The following MADD variants were observed in gnomAD, a reference collection of about 807,000 sequenced individuals.
MADD encodes the protein MAP kinase-activating death domain protein.
A neutral mutation model predicts 176.7 loss-of-function variants in MADD; 109 were observed. The ratio of observed to expected loss-of-function variants is 0.62; its 90% CI spans 0.53 to 0.72. The LOEUF (loss-of-function observed/expected upper bound fraction) is 0.72, where lower values mean the gene tolerates loss of function less well. Among genes scored for constraint, MADD ranks in the 30% least tolerant of loss-of-function variants. The probability of loss-of-function intolerance (pLI) is 0.00; values close to 1 mark genes in which losing one functional copy is unlikely to be tolerated. For missense variants in MADD, 1,914 were observed against 2,045.5 expected (o/e 0.94, Z 1.24); for synonymous variants, 771 against 771.3 (o/e 1.00, Z 0.01).
chr11:47,328,946 A>T, intron 32 of MADD, 100 bp from the exon 37 acceptor site: 1 of 1,093,302 alleles, frequency 9.1e-7, no homozygotes, highest in South Asian at 1.3e-5. Context: ...CCAGAGGCCC[A>T]TGCCCAGTGT....
chr11:47,279,316 T>C (rs2053852020), intron 7 of MADD, among the ~76,000 whole-genome samples: 1 of 152,070 alleles, frequency 6.6e-6, no homozygotes, highest in South Asian at 2.1e-4. Flanking sequence ...CTGTATAAAA[T>C]AGCCCTTCAC....
chr11:47,301,177 A>G (rs11530167), intron 22 of MADD, among the ~76,000 whole-genome samples: 5,103 of 151,802 alleles, frequency 0.034, 119 homozygotes, highest in South Asian at 0.12. Context: ...CAGTGGTGCA[A>G]TCTTGGCTCA....
chr11:47,295,091 G>A (rs1045085757), intron 20 of MADD, among the ~76,000 whole-genome samples: 1 of 151,608 alleles, frequency 6.6e-6, no homozygotes, highest in East Asian at 1.9e-4. Context: ...GCTCACTGCA[G>A]CCTCAAACTC....
exon 13 of MADD, chr11:47,285,000 C>G: frequency 1.2e-6 from 2 of 1,614,110 alleles, no homozygotes; most frequent in Non-Finnish European, 1.7e-6. Context: ...CCAAGCCCCT[C>G]CCTTCCGTGC....
chr11:47,325,002 T>TGTGC lies in MADD; in HGVS notation c.4542+438_4542+441dup, dbSNP rs371860501. On this transcript the variant is annotated intron_variant, in intron 30 of 32. Coordinates refer to ENST00000402192, the Ensembl canonical transcript of MADD. The surrounding 1 kb of genome is among the most constrained non-coding windows in gnomAD (Gnocchi z 4.5). ...CTTTCTGGTGTGCGTGCAGCTTGCG[T>TGTGC]GTGCGTGCGTGCGTGCCTGCGTGCT... The TGTGC allele has an allele frequency of 1.2e-3, 645 of 548,328 alleles. 8 individuals are homozygous for TGTGC. Among genetic ancestry groups the TGTGC allele is most frequent in the African/African-American group, 0.011 (574 of 52,810 alleles). 34.0% of individuals were successfully genotyped at this position (548,328 alleles called of 1,614,324 possible). A position where few individuals can be genotyped will look rare whatever the true frequency, so the allele number is the denominator to read the frequency against.
chr11:47,285,036 G>T (rs375875325), exon 13 of MADD: 23 of 1,614,136 alleles, frequency 1.4e-5, no homozygotes, highest in Middle Eastern at 3.3e-4. Context: ...AATCGAACGT[G>T]GACAGACGTC....
chr11:47,324,840 T>C (rs1016218845), intron 30 of MADD: 14 of 643,536 alleles, frequency 2.2e-5, no homozygotes, highest in Middle Eastern at 6.7e-4. Context: ...GCCCCATCCG[T>C]TGGACTCCAC....
intron 27 of MADD, among the ~76,000 whole-genome samples, chr11:47,322,653 C>T (rs1224805192): frequency 6.6e-6 from 1 of 152,140 alleles, no homozygotes; most frequent in East Asian, 1.9e-4. Context: ...GAATGTTGAA[C>T]AAGAAGGTGT....
chr11:47,290,027 G>A (rs1275774851), exon 17 of MADD: 1 of 1,614,180 alleles, frequency 6.2e-7, no homozygotes, highest in African/African-American at 1.3e-5. Flanking sequence ...AGAGGACGAT[G>A]CCCGGCAGGA....
chr11:47,327,456 T>C (rs2095573030), intron 31 of MADD: 2 of 985,306 alleles, frequency 2.0e-6, no homozygotes, highest in South Asian at 9.4e-5. Context: ...TAAAGTGACC[T>C]CGGCTCGTGC....
At chr11:47,302,508 A>C (rs1215927724) in intron 22 of MADD, among the ~76,000 whole-genome samples, 3 of 152,172 alleles carry the variant, frequency 2.0e-5, no homozygotes, top group African/African-American at 7.2e-5. Flanking sequence ...CACCGTGCTC[A>C]GCCTCTTTTT....
chr11:47,277,717 G>T (rs941521069), intron 5 of MADD, among the ~76,000 whole-genome samples: 1 of 152,186 alleles, frequency 6.6e-6, no homozygotes, highest in African/African-American at 2.4e-5. Flanking sequence ...CTGAGATTGT[G>T]TGACAGTTGA....
At chr11:47,320,239 G>A (rs1346550238) in intron 27 of MADD, among the ~76,000 whole-genome samples, 4 of 148,980 alleles carry the variant, frequency 2.7e-5, no homozygotes, top group Admixed American at 1.3e-4. Flanking sequence ...GGTGGATCAC[G>A]AGGTCAAGAG....
chr11:47,326,140 G>A (rs955116582), intron 30 of MADD, among the ~76,000 whole-genome samples: 1 of 152,198 alleles, frequency 6.6e-6, no homozygotes, highest in Non-Finnish European at 1.5e-5. Flanking sequence ...TAGAAAATGG[G>A]GGTAATACTA....
At chr11:47,279,456 C>T (rs2054145210) in intron 7 of MADD, among the ~76,000 whole-genome samples, 1 of 145,750 alleles carries the variant, frequency 6.9e-6, no homozygotes, top group Non-Finnish European at 1.5e-5. Context: ...GCGATCTCGG[C>T]TCACTGCAAG....
At chr11:47,318,288 T>G (rs1208516377) in intron 27 of MADD, among the ~76,000 whole-genome samples, 1 of 152,218 alleles carries the variant, frequency 6.6e-6, no homozygotes, top group Admixed American at 6.5e-5. Flanking sequence ...TCTGTTCCCC[T>G]GTGGTTTAGC....
exon 25 of MADD, chr11:47,309,601 C>G: frequency 6.2e-7 from 1 of 1,612,164 alleles, no homozygotes; most frequent in Non-Finnish European, 8.5e-7. Context: ...CTCCTACATG[C>G]TGCTGATGAA....
intron 19 of MADD, among the ~76,000 whole-genome samples, chr11:47,291,444 ACT>A (rs2065210571): frequency 6.6e-6 from 1 of 151,840 alleles, no homozygotes; most frequent in Non-Finnish European, 1.5e-5. Flanking sequence ...TGTTTGGCTC[ACT>A]CCCTGCTTGA....
intron 7 of MADD, among the ~76,000 whole-genome samples, chr11:47,281,020 C>G (rs905679285): frequency 6.6e-6 from 1 of 152,184 alleles, no homozygotes; most frequent in Non-Finnish European, 1.5e-5. Flanking sequence ...CATATTGAAT[C>G]GGGATCTGCA....
Sources: allele counts gnomAD v4.1 joint callset (sites outside exome capture counted in the v4.1 genomes callset), GRCh38; gene constraint gnomAD v4.1.1; non-coding constraint Gnocchi (gnomAD v3.1); transcripts MANE v1.5; gene names NCBI Gene and HGNC (gene_info 2026-07-23, HGNC 2026-07-21).